The following ANK2 variants were observed in gnomAD, a reference collection of about 807,000 sequenced individuals.
ANK2 encodes the protein ankyrin 2.
In ANK2, 83 loss-of-function variants were observed where a neutral mutation model predicts 360.5. The ratio of observed to expected loss-of-function variants is 0.23; its 90% confidence interval spans 0.19 to 0.28. The LOEUF (loss-of-function observed/expected upper bound fraction) is 0.28. Among genes scored for constraint, ANK2 ranks in the 10% least tolerant of loss-of-function variants. The pLI is 1.00. For synonymous variants in ANK2, 1,740 were observed against 1,759.5 expected (o/e 0.99, Z 0.28); for missense variants, 4,201 against 4,795.7 (o/e 0.88, Z 3.66).
At chr4:112,760,808 CTTTT>C in the ANK2 span, among the ~76,000 whole-genome samples, 2 of 138,272 alleles carry the variant, frequency 1.4e-5, no homozygotes, top group Non-Finnish European at 3.1e-5. Flanking sequence ...TCTTCTTCTT[CTTTT>C]TTTTTTTTTT....
At chr4:113,303,235 C>T (rs1283348402) in intron 23 of ANK2, among the ~76,000 whole-genome samples, 1 of 151,988 alleles carries the variant, frequency 6.6e-6, no homozygotes, top group African/African-American at 2.4e-5. Flanking sequence ...AAGTATACTC[C>T]ATCAATGAGT....
intron 1 of ANK2, among the ~76,000 whole-genome samples, chr4:113,075,143 C>A (rs545775040): frequency 6.6e-6 from 1 of 152,290 alleles, no homozygotes; most frequent in South Asian, 2.1e-4. Context: ...GTCTGAGAAG[C>A]ACTACTTTAG....
At chr4:112,888,751 T>C (rs1560963636) in intron 1 of ANK2, among the ~76,000 whole-genome samples, 1 of 152,180 alleles carries the variant, frequency 6.6e-6, no homozygotes, top group Non-Finnish European at 1.5e-5. Context: ...TTATAGTTAA[T>C]CCACTGCCTA....
At chr4:113,086,723 G>A (rs669651) in intron 1 of ANK2, among the ~76,000 whole-genome samples, 4,048 of 152,294 alleles carry the variant, frequency 0.027, 167 homozygotes, top group African/African-American at 0.092. Context: ...AACTTGGGGA[G>A]TTAGGGAAGG....
At chr4:113,378,229 T>G (rs771906972) in intron 45 of ANK2, 1 of 978,126 alleles carries the variant, frequency 1.0e-6, no homozygotes, top group African/African-American at 1.7e-5. Context: ...ACCATAAAAA[T>G]TTTTCCAATT....
chr4:113,060,728 T>A (rs1299632300), intron 1 of ANK2, among the ~76,000 whole-genome samples: 1 of 131,052 alleles, frequency 7.6e-6, no homozygotes, highest in Non-Finnish European at 1.6e-5. Flanking sequence ...AACAGAAGTA[T>A]AAATCCAAAT....
intron 13 of ANK2, among the ~76,000 whole-genome samples, chr4:113,260,591 A>T (rs1037314625): frequency 6.6e-6 from 1 of 152,226 alleles, no homozygotes; most frequent in Non-Finnish European, 1.5e-5. Context: ...ACTCTCAGTT[A>T]AATTTAAATT....
At position 113,343,129 on chromosome 4, in the gene ANK2, C is replaced by G; in HGVS notation, c.4235C>G (p.Pro1412Arg). 5 of 1,613,238 alleles carry G rather than the reference C, an allele frequency of 3.1e-6. No homozygotes were observed. The highest frequency in any genetic ancestry group is 4.2e-6 in the Non-Finnish European group (5 of 1,179,412). Residue 1412 changes from proline to arginine, a missense_variant, in exon 34 of 46, where the codon CCT (proline) becomes CGT (arginine). Physicochemically the swap from Pro to Arg is moderately radical, Grantham distance 103 (BLOSUM62 -2). Around this residue, in one of 4 missense-constraint regions of ANK2, gnomAD observed 1,268 missense variants for 1,650.8 expected, o/e 0.77. Coordinates refer to ENST00000357077, the MANE Select transcript of ANK2 (RefSeq NM_001148.6). Reference sequence around the variant, plus strand: ...TTTGCCTTCAAAGAAAATAGACTTCCTCTATTTGTCAAGGTAATATATACA... The same window carrying G: ...TTTGCCTTCAAAGAAAATAGACTTCGTCTATTTGTCAAGGTAATATATACA... ...SFFAFKENRLPLFVKVRDTTQ... is the reference protein window; with the variant it reads ...SFFAFKENRLRLFVKVRDTTQ...
chr4:112,824,354 G>A (rs1303006611), intron 1 of ANK2, among the ~76,000 whole-genome samples: 1 of 151,976 alleles, frequency 6.6e-6, no homozygotes, highest in Non-Finnish European at 1.5e-5. Context: ...CTACAACCAT[G>A]ACCAGTTAAT....
In ANK2 at chr4:113,278,472, C is replaced by T. The variant is rs1379071521; in HGVS notation, c.1795C>T (p.Pro599Ser). ...ACACCCTTTACAGAACGGCCTTACC[C>T]CGCTCCATGTTGCTGCTCATTATGA... ...ADSAGKNGLT[P>S]LHVAAHYDNQ... is the part of the protein sequence containing the mutation. The change falls in exon 17 of 46, where the codon CCG becomes TCG. Residue 599 changes from proline (P) to serine (S), a missense_variant. Pro to Ser is a moderately conservative substitution (Grantham distance 74). Transcript: ENST00000357077. The T allele has an allele frequency of 6.2e-7, 1 of 1,613,796 alleles. No individual in the cohort carries two copies. Among genetic ancestry groups the T allele is most frequent in the East Asian group, 2.2e-5 (1 of 44,872 alleles).
intron 23 of ANK2, among the ~76,000 whole-genome samples, chr4:113,304,255 T>C (rs956352237): frequency 2.0e-5 from 3 of 152,206 alleles, no homozygotes; most frequent in African/African-American, 7.2e-5. Context: ...ACTTTATTGA[T>C]GGGGAGGCAC....
At chr4:112,710,915 A>G in the ANK2 span, among the ~76,000 whole-genome samples, 1 of 141,518 alleles carries the variant, frequency 7.1e-6, no homozygotes, top group Non-Finnish European at 1.5e-5. Flanking sequence ...ATATATATAT[A>G]TATATATATG....
At chr4:112,762,640 G>A in the ANK2 span, among the ~76,000 whole-genome samples, 36 of 152,286 alleles carry the variant, frequency 2.4e-4, no homozygotes, top group South Asian at 1.9e-3. Flanking sequence ...TTCCAGAATA[G>A]CTGGGACTAC....
At chr4:113,341,299 T>C (rs13435655) in intron 32 of ANK2, among the ~76,000 whole-genome samples, 34,818 of 152,084 alleles carry the variant, frequency 0.23, 7,067 homozygotes, top group African/African-American at 0.55. Flanking sequence ...AATAGAAAAC[T>C]ATGCAGTGAG....
chr4:113,033,461 CACAG>C lies in ANK2; in HGVS notation c.21+128949_21+128952del, dbSNP rs199880931. Among the ~76,000 whole-genome samples, 18 of 98,664 alleles carry C rather than the reference CACAG, an allele frequency of 1.8e-4. No individual in the cohort carries two copies. The East Asian group carries it at 7.9e-3, about 43-fold the overall frequency. 64.7% of individuals were successfully genotyped at this position (98,664 alleles called of 152,430 possible). A position where few individuals can be genotyped will look rare whatever the true frequency, so the allele number is the denominator to read the frequency against. On this transcript the variant is annotated intron_variant, in intron 2 of 30. Transcript: ENST00000503271. ...TCTTTAAGGAATTAAATCTAGGAAACACAGAGAAATACCCAAACAAAACAAAACT... is the reference window on the plus strand; with the variant it reads ...TCTTTAAGGAATTAAATCTAGGAAACAGAAATACCCAAACAAAACAAAACT...
intron 30 of ANK2, chr4:113,336,333 A>G (rs962059414): frequency 3.4e-6 from 2 of 583,714 alleles, no homozygotes; most frequent in African/African-American, 3.7e-5. Context: ...TGAGAAATAA[A>G]TTGTTAAAGA....
chr4:113,345,556 G>A (rs1440415585), intron 34 of ANK2, among the ~76,000 whole-genome samples: 1 of 152,120 alleles, frequency 6.6e-6, no homozygotes, highest in Non-Finnish European at 1.5e-5. Flanking sequence ...TTTGCTAAGA[G>A]ATCTCAAGTG....
intron 1 of ANK2, among the ~76,000 whole-genome samples, chr4:113,099,659 G>T (rs2092447769): frequency 6.6e-6 from 1 of 151,882 alleles, no homozygotes. Context: ...AAAGGCAAAA[G>T]ACTCAGAATA....
intron 2 of ANK2, among the ~76,000 whole-genome samples, chr4:113,021,228 C>G (rs1005359626): frequency 2.0e-5 from 3 of 152,018 alleles, no homozygotes; most frequent in Non-Finnish European, 4.4e-5. Flanking sequence ...CTTTTATACA[C>G]AGAGAATTCA....
Sources: allele counts gnomAD v4.1 joint callset (sites outside exome capture counted in the v4.1 genomes callset), GRCh38; gene constraint gnomAD v4.1.1; regional missense constraint gnomAD v4.1.1; transcripts MANE v1.5; gene names NCBI Gene and HGNC (gene_info 2026-07-23, HGNC 2026-07-21).